Variants in NMNAT3 observed in about 807,000 individuals in gnomAD.
The protein encoded by NMNAT3 is nicotinamide/nicotinic acid mononucleotide adenylyltransferase 3.
NMNAT3 carries 21 observed loss-of-function variants against 24.8 expected under a neutral mutation model. The observed-to-expected ratio is 0.85, with a 90% CI of 0.60 to 1.22. The LOEUF (loss-of-function observed/expected upper bound fraction) is 1.22, where lower values mean the gene tolerates loss of function less well. Among genes scored for constraint, NMNAT3 ranks in the 50% most tolerant of loss-of-function variants. The pLI, the probability that NMNAT3 is intolerant of heterozygous loss-of-function variation, is 0.00. For synonymous variants in NMNAT3, 136 were observed against 155.2 expected, an observed-to-expected ratio of 0.88 and a Z score of 0.92; for missense variants, 387 against 436.6, an observed-to-expected ratio of 0.89 and a Z score of 1.01.
intron 1 of NMNAT3, among the ~76,000 whole-genome samples, chr3:139,653,519 T>G (rs2057127937): frequency 6.6e-6 from 1 of 152,230 alleles, no homozygotes; most frequent in East Asian, 1.9e-4. Flanking sequence ...TTGACTATAT[T>G]AGCAAATACA....
chr3:139,619,070 C>T (rs1310043092), intron 3 of NMNAT3, among the ~76,000 whole-genome samples: 2 of 152,214 alleles, frequency 1.3e-5, no homozygotes, highest in African/African-American at 4.8e-5. Flanking sequence ...TTTTCCCTAA[C>T]TCCAGGTGGA....
At chr3:139,674,509 G>C (rs1172786694) in intron 1 of NMNAT3, among the ~76,000 whole-genome samples, 3 of 152,206 alleles carry the variant, frequency 2.0e-5, no homozygotes, top group Non-Finnish European at 4.4e-5. Flanking sequence ...TAAGAGCTTT[G>C]ACAGCTCAAA....
intron 3 of NMNAT3, chr3:139,584,182 A>G (rs1311412991): frequency 1.3e-5 from 2 of 152,768 alleles, no homozygotes; most frequent in Non-Finnish European, 2.9e-5. Flanking sequence ...TGCCTAACTA[A>G]TTAATTTGCA....
intron 3 of NMNAT3, among the ~76,000 whole-genome samples, chr3:139,598,173 A>G (rs2054562366): frequency 6.6e-6 from 1 of 152,194 alleles, no homozygotes; most frequent in South Asian, 2.1e-4. Flanking sequence ...AGAGGAGAGA[A>G]TTGTGACAGA....
chr3:139,629,956 A>T (rs1469174889), intron 2 of NMNAT3, among the ~76,000 whole-genome samples: 18 of 152,214 alleles, frequency 1.2e-4, no homozygotes, highest in Non-Finnish European at 2.9e-5. Flanking sequence ...AGCTGCAAAT[A>T]CCAGAAGCCT....
At chr3:139,576,266 G>A (rs982637115) in intron 5 of NMNAT3, 24 of 980,834 alleles carry the variant, frequency 2.4e-5, no homozygotes, top group East Asian at 2.3e-4. Context: ...GATAATTTTC[G>A]GAAAGTGTTA....
intron 1 of NMNAT3, among the ~76,000 whole-genome samples, chr3:139,654,097 CT>C (rs1429603831): frequency 6.6e-6 from 1 of 152,182 alleles, no homozygotes; most frequent in Non-Finnish European, 1.5e-5. Context: ...GAATGGGATC[CT>C]TCAGGCAGGA....
At chr3:139,632,402 G>A (rs2108326218) in intron 2 of NMNAT3, among the ~76,000 whole-genome samples, 1 of 152,318 alleles carries the variant, frequency 6.6e-6, no homozygotes, top group East Asian at 1.9e-4. Flanking sequence ...CTGGCCTCCT[G>A]CACATTGACA....
At chr3:139,648,169 G>A (rs1223354039) in intron 1 of NMNAT3, among the ~76,000 whole-genome samples, 4 of 152,190 alleles carry the variant, frequency 2.6e-5, no homozygotes, top group African/African-American at 9.7e-5. Flanking sequence ...TAGTGGGAGA[G>A]TTCTCACAAG....
intron 3 of NMNAT3, among the ~76,000 whole-genome samples, chr3:139,620,520 A>C (rs1156599009): frequency 6.6e-6 from 1 of 152,106 alleles, no homozygotes; most frequent in East Asian, 1.9e-4. Flanking sequence ...GCTGAATACT[A>C]TTCCGTTGTA....
intron 3 of NMNAT3, among the ~76,000 whole-genome samples, chr3:139,605,364 G>T (rs532691469): frequency 2.0e-5 from 3 of 151,722 alleles, no homozygotes; most frequent in South Asian, 2.1e-4. Context: ...TTTTATGTTG[G>T]GCTCCCTCAA....
intron 3 of NMNAT3, among the ~76,000 whole-genome samples, chr3:139,590,109 A>C (rs2108160318): frequency 6.6e-6 from 1 of 152,310 alleles, no homozygotes; most frequent in South Asian, 2.1e-4. Context: ...GCAGACACAA[A>C]ACGGAACAGA....
chr3:139,641,729 G>A (rs188004366), intron 1 of NMNAT3, among the ~76,000 whole-genome samples: 4 of 152,312 alleles, frequency 2.6e-5, no homozygotes, highest in African/African-American at 9.6e-5. Context: ...AAAATAAAAT[G>A]TAGGCTGACA....
chr3:139,668,592 G>T (rs2057659159), intron 1 of NMNAT3, among the ~76,000 whole-genome samples: 1 of 152,216 alleles, frequency 6.6e-6, no homozygotes, highest in Non-Finnish European at 1.5e-5. Flanking sequence ...GCTGCCTCTT[G>T]AATTCATCTT....
intron 3 of NMNAT3, among the ~76,000 whole-genome samples, chr3:139,619,432 A>G (rs1355626431): frequency 2.6e-5 from 4 of 152,184 alleles, no homozygotes; most frequent in Admixed American, 1.3e-4. Flanking sequence ...TAATATAAAC[A>G]TATAATGTAT....
chr3:139,565,763 T>C (rs1417240058), intron 6 of NMNAT3: 1 of 152,266 alleles, frequency 6.6e-6, no homozygotes, highest in Non-Finnish European at 1.5e-5. Context: ...AGTCTATCGT[T>C]GTTGGACATT....
chr3:139,615,983 T>C (rs1007830773), intron 3 of NMNAT3, among the ~76,000 whole-genome samples: 2 of 152,168 alleles, frequency 1.3e-5, no homozygotes, highest in Non-Finnish European at 2.9e-5. Context: ...AATCTCTCCT[T>C]GTTCTTATAC....
At chr3:139,569,555 C>T (rs1937764214) in intron 6 of NMNAT3, 2 of 152,276 alleles carry the variant, frequency 1.3e-5, no homozygotes, top group East Asian at 3.9e-4. Context: ...CAAAATCTCT[C>T]AGCATTTGCT....
intron 6 of NMNAT3, among the ~76,000 whole-genome samples, chr3:139,564,996 A>AT (rs1268743190): frequency 6.6e-6 from 1 of 152,218 alleles, no homozygotes; most frequent in African/African-American, 2.4e-5. Flanking sequence ...ATGCTAACAG[A>AT]TGGGAAGTAT....
Sources: allele counts gnomAD v4.1 joint callset (sites outside exome capture counted in the v4.1 genomes callset), GRCh38; gene constraint gnomAD v4.1.1; transcripts MANE v1.5; gene names NCBI Gene and HGNC (gene_info 2026-07-23, HGNC 2026-07-21).